Variants in AFAP1 observed in about 807,000 individuals in gnomAD.
AFAP1 encodes the protein actin filament-associated protein 1.
In AFAP1, 75 loss-of-function variants were observed where a neutral mutation model predicts 93.9. The ratio of observed to expected loss-of-function variants is 0.80; its 90% CI spans 0.66 to 0.97. The LOEUF is 0.97. Ranked by LOEUF, AFAP1 falls within the 50% of genes least tolerant of loss-of-function variation. The pLI, the probability that AFAP1 is intolerant of heterozygous loss-of-function variation, is 0.00. For missense variants in AFAP1, 1,201 were observed against 1,050.8 expected (o/e 1.14, Z -1.98); for synonymous variants, 517 against 430.7 (o/e 1.20, Z -2.48).
At chr4:7,869,379 C>T (rs766550709) in intron 2 of AFAP1, among the ~76,000 whole-genome samples, 30 of 152,224 alleles carry the variant, frequency 2.0e-4, no homozygotes, top group Non-Finnish European at 4.3e-4. Context: ...CTACTCAGGG[C>T]AGGCAGGACT....
At chr4:7,825,228 T>C (rs997146446) in intron 6 of AFAP1, among the ~76,000 whole-genome samples, 2 of 152,230 alleles carry the variant, frequency 1.3e-5, no homozygotes, top group Non-Finnish European at 2.9e-5. Flanking sequence ...AACGAGTTAA[T>C]GGTATTCCAG....
At chr4:7,834,280 A>C (rs1184171006) in intron 6 of AFAP1, among the ~76,000 whole-genome samples, 1 of 152,242 alleles carries the variant, frequency 6.6e-6, no homozygotes, top group East Asian at 1.9e-4. Context: ...AGTGGGAGCT[A>C]AGCTATGAGG....
intron 13 of AFAP1, among the ~76,000 whole-genome samples, chr4:7,780,126 A>G (rs1716602753): frequency 6.6e-6 from 1 of 152,226 alleles, no homozygotes; most frequent in African/African-American, 2.4e-5. Context: ...ACTTTCGCTT[A>G]GTGAGTGCAA....
Position 7,852,686 on chromosome 4 carries a change from G to A in AFAP1, c.334+2780C>T, listed in dbSNP as rs376815850. Among the ~76,000 whole-genome samples, 355 of 152,174 alleles carry A rather than the reference G, an allele frequency of 2.3e-3. 1 individual carries two copies. The highest frequency in any genetic ancestry group is 8.0e-3 in the African/African-American group (331 of 41,516). On this transcript the variant is annotated intron_variant, in intron 4 of 17. Transcript: ENST00000420658. Reference sequence around the variant, plus strand: ...TGGGGGCACCGGGAATACAAAAGGGGCAGTAGATGGAGGTGGTAAATTCTA... The same window carrying A: ...TGGGGGCACCGGGAATACAAAAGGGACAGTAGATGGAGGTGGTAAATTCTA...
At chr4:7,789,706 C>A (rs1416508476) in intron 11 of AFAP1, among the ~76,000 whole-genome samples, 1 of 150,750 alleles carries the variant, frequency 6.6e-6, no homozygotes, top group Non-Finnish European at 1.5e-5. Context: ...ATGCATCTCC[C>A]CACGCTCTGC....
intron 2 of AFAP1, 113 bp from the exon 3 acceptor site, chr4:7,868,832 T>C: frequency 1.1e-5 from 10 of 907,944 alleles, no homozygotes; most frequent in Non-Finnish European, 1.7e-5. Flanking sequence ...ATATTTATTT[T>C]CTCTAATCCT....
At chr4:7,864,582 A>G (rs1716198899) in intron 3 of AFAP1, among the ~76,000 whole-genome samples, 1 of 152,184 alleles carries the variant, frequency 6.6e-6, no homozygotes, top group Admixed American at 6.5e-5. Flanking sequence ...TCCCTCTGTA[A>G]AATACCCTGA....
chr4:7,921,709 T>C (rs933052457), intron 1 of AFAP1, among the ~76,000 whole-genome samples: 2 of 152,242 alleles, frequency 1.3e-5, no homozygotes, highest in African/African-American at 4.8e-5. Flanking sequence ...CACGCAAATA[T>C]GCAAGAATTA....
At chr4:7,809,439 T>C (rs1719818396) in intron 9 of AFAP1, 175 bp downstream of exon 9, 1 of 707,038 alleles carries the variant, frequency 1.4e-6, no homozygotes, top group Admixed American at 3.8e-5. Flanking sequence ...CTTGTATGAA[T>C]AAGAGGCAAA....
rs765553752 is a variant in AFAP1, at chr4:7,762,050, A to G, written c.*1715T>C. 6.6e-6 allele frequency: 1 copy of G among 152,266 alleles called. No homozygotes were observed. Among genetic ancestry groups the G allele is most frequent in the Non-Finnish European group, 1.5e-5 (1 of 68,062 alleles). 9.4% of individuals were successfully genotyped at this position (152,266 alleles called of 1,614,324 possible). On this transcript the variant is annotated 3_prime_UTR_variant, in exon 18 of 18. Coordinates refer to ENST00000420658, the MANE Select transcript of AFAP1 (RefSeq NM_001134647.2). Reference sequence around the variant, plus strand: ...ACCGTTCCCAGCAGATGGCTTTGCAATCAATTCAAGTTCAGGTGGACTCAA... The same window carrying G: ...ACCGTTCCCAGCAGATGGCTTTGCAGTCAATTCAAGTTCAGGTGGACTCAA...
intron 14 of AFAP1, chr4:7,775,851 T>C: frequency 1.3e-5 from 2 of 152,188 alleles, no homozygotes; most frequent in Non-Finnish European, 2.9e-5. Context: ...CAAACACAAA[T>C]GGGCAACACA....
In AFAP1 at chr4:7,761,417, C is replaced by CCAAT. The variant is rs368096804; in HGVS notation, c.*2344_*2347dup. 5.3e-5 allele frequency: 8 copies of CCAAT among 152,360 alleles called. No individual in the cohort carries two copies. The highest frequency in any genetic ancestry group is 3.9e-4 in the East Asian group (2 of 5,168). The allele number at this position is 152,360 out of a possible 1,614,324, so 9.4% of individuals were successfully genotyped here. ...AAATATGCATGCTGGGAGTCGAGCA[C>CCAAT]CAATCAGCTGTGCCGTTGGGCAAGT... On this transcript the variant is annotated 3_prime_UTR_variant, in exon 18 of 18. Coordinates refer to ENST00000420658, the MANE Select transcript of AFAP1 (RefSeq NM_001134647.2).
intron 11 of AFAP1, among the ~76,000 whole-genome samples, chr4:7,789,948 G>A (rs186364450): frequency 4.6e-5 from 7 of 152,176 alleles, no homozygotes; most frequent in Non-Finnish European, 8.8e-5. Flanking sequence ...TGTTTCGATT[G>A]TTTACCATTA....
intron 11 of AFAP1, among the ~76,000 whole-genome samples, chr4:7,788,125 G>A (rs1560158357): frequency 6.6e-6 from 1 of 152,256 alleles, no homozygotes. Context: ...CGCAGGGGCA[G>A]GTGCCTAGAG....
rs552211338 is a variant in AFAP1 at position 7,879,699 on chromosome 4, C to CTTTTTTT, written c.-2-7626_-2-7620dup. Among the ~76,000 whole-genome samples the CTTTTTTT allele has an allele frequency of 8.2e-5, 10 of 121,720 alleles. 1 individual carries two copies. Among genetic ancestry groups the CTTTTTTT allele is most frequent in the Admixed American group, 9.2e-5 (1 of 10,920 alleles). The allele number at this position is 121,720 out of a possible 152,430, so 79.9% of individuals were successfully genotyped here. ...CTAATTAATTATCTCTGCTTGCTTGCTTTTTTTTTTTTTTTTTTGTGAGAC... is the reference window on the plus strand; with the variant it reads ...CTAATTAATTATCTCTGCTTGCTTGCTTTTTTTTTTTTTTTTTTTTTTTTTGTGAGAC... On this transcript the variant is annotated intron_variant, in intron 1 of 17. Transcript: ENST00000420658.
intron 11 of AFAP1, 45 bp downstream of exon 11, chr4:7,793,636 C>T (rs899509835): frequency 7.6e-6 from 11 of 1,440,752 alleles, no homozygotes; most frequent in Middle Eastern, 3.8e-4. Context: ...AGGGAAAAGA[C>T]AGTTACTGAA....
At chr4:7,839,417 T>C (rs1003036805) in intron 5 of AFAP1, among the ~76,000 whole-genome samples, 3 of 151,932 alleles carry the variant, frequency 2.0e-5, no homozygotes, top group African/African-American at 7.2e-5. Flanking sequence ...TAAATGTATA[T>C]ATAAAATACA....
At chr4:7,897,333 T>G (rs542332491) in intron 1 of AFAP1, among the ~76,000 whole-genome samples, 2 of 152,300 alleles carry the variant, frequency 1.3e-5, no homozygotes, top group Admixed American at 6.5e-5. Context: ...ATGTAAGAAC[T>G]GTAGGCTCAA....
At chr4:7,933,371 G>T (rs142459035) in intron 1 of AFAP1, among the ~76,000 whole-genome samples, 1 of 152,080 alleles carries the variant, frequency 6.6e-6, no homozygotes, top group Non-Finnish European at 1.5e-5. Flanking sequence ...TCAAGAGATC[G>T]AGACCATCCT....
Sources: allele counts gnomAD v4.1 joint callset (sites outside exome capture counted in the v4.1 genomes callset), GRCh38; gene constraint gnomAD v4.1.1; transcripts MANE v1.5; gene names NCBI Gene and HGNC (gene_info 2026-07-23, HGNC 2026-07-21).